Variants in ZEB1 observed in about 807,000 individuals in gnomAD.
ZEB1 encodes the protein zinc finger E-box binding homeobox 1, also known as zinc finger E-box-binding homeobox 1.
A neutral mutation model predicts 84.9 loss-of-function variants in ZEB1; 21 were observed. The observed-to-expected ratio is 0.25, with a 90% CI of 0.18 to 0.36. The LOEUF (loss-of-function observed/expected upper bound fraction) is 0.36, where lower values mean the gene tolerates loss of function less well. ZEB1 is among the 10% of genes least tolerant of loss of function. ZEB1 has a pLI of 1.00. For synonymous variants in ZEB1, 420 were observed against 471.1 expected (o/e 0.89, Z 1.41); for missense variants, 1,104 against 1,330.2 (o/e 0.83, Z 2.65).
At chr10:31,492,234 A>G (rs2066633112) in intron 2 of ZEB1, among the ~76,000 whole-genome samples, 1 of 151,918 alleles carries the variant, frequency 6.6e-6, no homozygotes, top group Non-Finnish European at 1.5e-5. Flanking sequence ...GTGGTGTGAA[A>G]GAAATATGTA....
At chr10:31,489,994 A>AT (rs1485857645) in intron 2 of ZEB1, among the ~76,000 whole-genome samples, 1 of 151,504 alleles carries the variant, frequency 6.6e-6, no homozygotes, top group African/African-American at 2.4e-5. Flanking sequence ...GCTGACAGAT[A>AT]TTTTTTGTTT....
chr10:31,368,601 ATGTG>A (rs1206995399), intron 1 of ZEB1, among the ~76,000 whole-genome samples: 2 of 151,878 alleles, frequency 1.3e-5, no homozygotes, highest in Non-Finnish European at 2.9e-5. Flanking sequence ...CCTGAATATT[ATGTG>A]TGTGTGTATT....
upstream of ZEB1, chr10:31,318,839 A>C: frequency 5.9e-6 from 2 of 339,236 alleles, no homozygotes; most frequent in Non-Finnish European, 1.2e-5. Flanking sequence ...TGCCCCGGGC[A>C]GCCGCGGCGG....
intron 1 of ZEB1, among the ~76,000 whole-genome samples, chr10:31,329,325 C>G (rs1218185578): frequency 6.6e-6 from 1 of 152,002 alleles, no homozygotes; most frequent in Non-Finnish European, 1.5e-5. Flanking sequence ...AGGATATTAT[C>G]AAAATTAATA....
At chr10:31,364,347 T>A (rs142643317) in intron 1 of ZEB1, among the ~76,000 whole-genome samples, 2,464 of 152,268 alleles carry the variant, frequency 0.016, 53 homozygotes, top group African/African-American at 0.055. Context: ...CCTGTGGGGC[T>A]GTTGGGGGTG....
chr10:31,467,888 A>G (rs974399649), intron 2 of ZEB1, among the ~76,000 whole-genome samples: 7 of 152,038 alleles, frequency 4.6e-5, no homozygotes, highest in Non-Finnish European at 1.0e-4. Context: ...AATGCCTGGG[A>G]TGGCATGGCA....
chr10:31,438,684 T>G (rs1439874857), intron 1 of ZEB1, among the ~76,000 whole-genome samples: 1 of 151,990 alleles, frequency 6.6e-6, no homozygotes, highest in Non-Finnish European at 1.5e-5. Context: ...AAAAAAAAAT[T>G]TTCTTTAAAT....
intron 1 of ZEB1, among the ~76,000 whole-genome samples, chr10:31,338,785 G>A (rs2038765103): frequency 6.6e-6 from 1 of 152,098 alleles, no homozygotes; most frequent in African/African-American, 2.4e-5. Context: ...TGCACAAATG[G>A]TGATAGTGTA....
chr10:31,324,365 C>A (rs1176439307), intron 1 of ZEB1, among the ~76,000 whole-genome samples: 10 of 151,930 alleles, frequency 6.6e-5, no homozygotes, highest in Admixed American at 6.6e-4. Context: ...ATAATGATTT[C>A]TCATAGTTGT....
chr10:31,327,265 C>T (rs1276392917), intron 1 of ZEB1, among the ~76,000 whole-genome samples: 3 of 151,910 alleles, frequency 2.0e-5, no homozygotes, highest in Non-Finnish European at 4.4e-5. Flanking sequence ...CACACACCGC[C>T]ATGCCTGGCT....
chr10:31,477,847 A>G (rs755143357), intron 2 of ZEB1, among the ~76,000 whole-genome samples: 6 of 152,076 alleles, frequency 3.9e-5, no homozygotes, highest in Non-Finnish European at 7.4e-5. Context: ...GTCTCATCAT[A>G]TTAAAAAATT....
intron 1 of ZEB1, chr10:31,381,656 G>A (rs2047655236): frequency 6.6e-6 from 1 of 152,136 alleles, no homozygotes; most frequent in African/African-American, 2.4e-5. Flanking sequence ...TGATGATGAT[G>A]TAAGAATAGG....
chr10:31,357,685 A>T (rs1014390272), intron 1 of ZEB1, among the ~76,000 whole-genome samples: 1 of 152,180 alleles, frequency 6.6e-6, no homozygotes, highest in Non-Finnish European at 1.5e-5. Flanking sequence ...TGAAAATAGA[A>T]CTTGGCAATT....
In ZEB1 at chr10:31,523,946, A is replaced by T. The variant is rs1231871221; in HGVS notation, c.2618A>T (p.Asp873Val). 5 of 1,613,846 alleles carry T rather than the reference A, an allele frequency of 3.1e-6. No homozygotes were observed. Among genetic ancestry groups the T allele is most frequent in the Non-Finnish European group, 4.2e-6 (5 of 1,179,912 alleles). Reference sequence around the variant, plus strand: ...TTCTCCCTCTAGGATGAAAGACAAGATACTAGCTCAGAAGGAGTATCAAAT... The same window carrying T: ...TTCTCCCTCTAGGATGAAAGACAAGTTACTAGCTCAGAAGGAGTATCAAAT... Reference protein sequence around the residue: ...QPNGNQDERQDTSSEGVSNVE... With the variant: ...QPNGNQDERQVTSSEGVSNVE... The change falls in exon 8 of 9, where the codon GAT becomes GTT. Residue 873 changes from aspartate to valine, a missense_variant. This residue lies in a region of ZEB1 where 531 missense variants were observed against 575.2 expected (regional missense o/e 0.92). Coordinates refer to ENST00000424869, the MANE Select transcript of ZEB1 (RefSeq NM_001174096.2).
At chr10:31,335,694 T>C (rs1158513694) in intron 1 of ZEB1, among the ~76,000 whole-genome samples, 5 of 152,174 alleles carry the variant, frequency 3.3e-5, no homozygotes. Context: ...ATTGAAGGCA[T>C]TGGTTCCCTT....
At chr10:31,395,421 C>T (rs2050535689) in intron 1 of ZEB1, among the ~76,000 whole-genome samples, 1 of 152,084 alleles carries the variant, frequency 6.6e-6, no homozygotes, top group Non-Finnish European at 1.5e-5. Flanking sequence ...GGTGAAATGC[C>T]TTCATACTTA....
intron 1 of ZEB1, among the ~76,000 whole-genome samples, chr10:31,420,946 C>A (rs2136032482): frequency 6.6e-6 from 1 of 152,278 alleles, no homozygotes; most frequent in East Asian, 1.9e-4. Context: ...TGTTTCTTGA[C>A]CCTGTACCTC....
intron 1 of ZEB1, among the ~76,000 whole-genome samples, chr10:31,370,299 G>A (rs1243475878): frequency 6.6e-6 from 1 of 152,058 alleles, no homozygotes; most frequent in African/African-American, 2.4e-5. Context: ...GAAAAAGGGT[G>A]CCAGGATGTG....
chr10:31,468,290 G>A (rs1410739728), intron 2 of ZEB1, among the ~76,000 whole-genome samples: 3 of 151,910 alleles, frequency 2.0e-5, no homozygotes, highest in Admixed American at 6.6e-5. Context: ...GAACACTCTT[G>A]TATTCCTTAT....
Sources: allele counts gnomAD v4.1 joint callset (sites outside exome capture counted in the v4.1 genomes callset), GRCh38; gene constraint gnomAD v4.1.1; regional missense constraint gnomAD v4.1.1; transcripts MANE v1.5; gene names NCBI Gene and HGNC (gene_info 2026-07-23, HGNC 2026-07-21).